Variants in AAR2 observed in about 807,000 individuals in gnomAD.
The protein encoded by AAR2 is protein AAR2 homolog.
AAR2 carries 31 observed loss-of-function variants against 26.9 expected under a neutral mutation model. The observed-to-expected ratio is 1.15, with a 90% CI of 0.86 to 1.55. The LOEUF (loss-of-function observed/expected upper bound fraction) is 1.55. AAR2 is among the 40% of genes most tolerant of loss of function. AAR2 has a pLI of 0.00. For synonymous variants in AAR2, 188 were observed against 196.1 expected (o/e 0.96, Z 0.34); for missense variants, 430 against 491.3 (o/e 0.88, Z 1.18).
intron 2 of AAR2, among the ~76,000 whole-genome samples, chr20:36,241,638 A>G (rs1403881890): frequency 6.6e-6 from 1 of 152,090 alleles, no homozygotes; most frequent in Non-Finnish European, 1.5e-5. Context: ...AAAATACAAA[A>G]TTAGCTGGGT....
chr20:36,247,485 G>A (rs765990509), intron 3 of AAR2, among the ~76,000 whole-genome samples: 2 of 152,030 alleles, frequency 1.3e-5, no homozygotes, highest in South Asian at 2.1e-4. Flanking sequence ...TTTCCTCTCC[G>A]TTTTCCCCCA....
At chr20:36,243,384 C>G (rs1406694103) in intron 2 of AAR2, among the ~76,000 whole-genome samples, 2 of 152,174 alleles carry the variant, frequency 1.3e-5, no homozygotes, top group East Asian at 3.8e-4. Flanking sequence ...AACCAGGTAG[C>G]TATTCACACA....
chr20:36,249,901 T>G (rs1193954924), intron 3 of AAR2, among the ~76,000 whole-genome samples: 1 of 152,218 alleles, frequency 6.6e-6, no homozygotes, highest in Non-Finnish European at 1.5e-5. Context: ...TTTATGCTGC[T>G]TTTTACCTTC....
chr20:36,253,382 G>A (rs894646686), intron 3 of AAR2, among the ~76,000 whole-genome samples: 5 of 152,158 alleles, frequency 3.3e-5, no homozygotes, highest in Non-Finnish European at 5.9e-5. Context: ...GTAGCAGATG[G>A]TAGTCTGGGA....
chr20:36,247,512 T>G (rs1268000844), intron 3 of AAR2, among the ~76,000 whole-genome samples: 2 of 152,134 alleles, frequency 1.3e-5, no homozygotes, highest in Admixed American at 1.3e-4. Flanking sequence ...CCAGCAACAG[T>G]GGTCTCTTTG....
chr20:36,250,121 C>T (rs1028784229), intron 3 of AAR2, among the ~76,000 whole-genome samples: 1 of 152,154 alleles, frequency 6.6e-6, no homozygotes, highest in Non-Finnish European at 1.5e-5. Flanking sequence ...TTTTGAATTT[C>T]TCGAGGTGAC....
At chr20:36,252,093 G>A (rs988891049) in intron 3 of AAR2, among the ~76,000 whole-genome samples, 1 of 152,160 alleles carries the variant, frequency 6.6e-6, no homozygotes, top group Non-Finnish European at 1.5e-5. Flanking sequence ...AGGGAGGCTC[G>A]GGCACAGTGC....
chr20:36,237,750 GTATTATTATTATTATTATTATTAT>G (rs71184090), intron 1 of AAR2, among the ~76,000 whole-genome samples: 3 of 139,050 alleles, frequency 2.2e-5, no homozygotes, highest in African/African-American at 5.3e-5. Context: ...AAGATGATAC[GTATTATTATTATTATTATTATTAT>G]TATTATTATT....
At chr20:36,255,276 A>T (rs907877574) in intron 3 of AAR2, among the ~76,000 whole-genome samples, 1 of 152,164 alleles carries the variant, frequency 6.6e-6, no homozygotes, top group Non-Finnish European at 1.5e-5. Context: ...TGTAGCTACT[A>T]CCTGTTCCTC....
At chr20:36,251,423 A>AT (rs77659784) in intron 3 of AAR2, among the ~76,000 whole-genome samples, 2,671 of 149,154 alleles carry the variant, frequency 0.018, 74 homozygotes, top group African/African-American at 0.058. Context: ...AATAAGGTTG[A>AT]TTTTTTTTTT....
At chr20:36,236,764 ACT>A (rs1317981300) in intron 1 of AAR2, 3 of 151,972 alleles carry the variant, frequency 2.0e-5, no homozygotes, top group Admixed American at 2.0e-4. Context: ...GCTCTGCCCT[ACT>A]CTCTGCGTGA....
chr20:36,237,956 T>C (rs2064633565), intron 1 of AAR2, among the ~76,000 whole-genome samples: 1 of 151,850 alleles, frequency 6.6e-6, no homozygotes, highest in Non-Finnish European at 1.5e-5. Context: ...CTAATTTTTT[T>C]TGTATTTTTA....
chr20:36,239,759 G>C, intron 1 of AAR2, 62 bp from the exon 2 acceptor site: 1 of 1,325,114 alleles, frequency 7.5e-7, no homozygotes, highest in Non-Finnish European at 1.0e-6. Flanking sequence ...CATACAGAAT[G>C]CTTAGCAAAT....
chr20:36,245,165 A>G (rs764651262), intron 3 of AAR2, among the ~76,000 whole-genome samples: 3 of 152,120 alleles, frequency 2.0e-5, no homozygotes, highest in African/African-American at 4.8e-5. Flanking sequence ...ACACTGGGGT[A>G]CTTGGATTTG....
chr20:36,254,599 G>A (rs2064804844), intron 3 of AAR2, among the ~76,000 whole-genome samples: 1 of 152,190 alleles, frequency 6.6e-6, no homozygotes, highest in African/African-American at 2.4e-5. Context: ...GGATGGTGGT[G>A]ATGGTTGTAC....
At chr20:36,249,296 T>G (rs930283052) in intron 3 of AAR2, among the ~76,000 whole-genome samples, 3 of 152,206 alleles carry the variant, frequency 2.0e-5, no homozygotes, top group African/African-American at 7.2e-5. Context: ...ATAGATGCAG[T>G]TTTTTCTTTT....
At chr20:36,238,508 G>A (rs750194355) in intron 1 of AAR2, among the ~76,000 whole-genome samples, 10 of 152,126 alleles carry the variant, frequency 6.6e-5, no homozygotes, top group Non-Finnish European at 8.8e-5. Context: ...TGTTATCTCA[G>A]CACTTTGGGA....
Position 36,255,864 on chromosome 20 carries a change from A to G in AAR2, c.*119A>G, listed in dbSNP as rs1401468639. 2.4e-6 allele frequency: 3 copies of G among 1,253,196 alleles called. No homozygotes were observed. The highest frequency in any genetic ancestry group is 3.0e-5 in the South Asian group (2 of 66,180). The allele number at this position is 1,253,196 out of a possible 1,614,324, so 77.6% of individuals were successfully genotyped here. ...GGCAGCAATCTCTCCAGGTCCTGCA[A>G]AGATGGAGCCAGAATTCCCTTTTTC... On this transcript the variant is annotated 3_prime_UTR_variant, in exon 4 of 4. Transcript: ENST00000320849.
chr20:36,238,218 T>C (rs1341121274), intron 1 of AAR2, among the ~76,000 whole-genome samples: 2 of 152,230 alleles, frequency 1.3e-5, no homozygotes, highest in Non-Finnish European at 2.9e-5. Flanking sequence ...TTAGCTTTAC[T>C]ACTCATGATG....
Sources: allele counts gnomAD v4.1 joint callset (sites outside exome capture counted in the v4.1 genomes callset), GRCh38; gene constraint gnomAD v4.1.1; transcripts MANE v1.5; gene names NCBI Gene and HGNC (gene_info 2026-07-23, HGNC 2026-07-21).